The following RABEP1 variants were observed in gnomAD, a reference collection of about 807,000 sequenced individuals.
RABEP1 encodes the protein rabaptin, RAB GTPase binding effector protein 1.
RABEP1 carries 51 observed loss-of-function variants against 123.4 expected under a neutral mutation model. The ratio of observed to expected loss-of-function variants is 0.41; its 90% CI spans 0.33 to 0.52. The LOEUF (loss-of-function observed/expected upper bound fraction) is 0.52, where lower values mean the gene tolerates loss of function less well. RABEP1 is among the 20% of genes least tolerant of loss of function. The probability of loss-of-function intolerance (pLI) is 0.16; values close to 1 mark genes in which losing one functional copy is unlikely to be tolerated. For missense variants in RABEP1, 888 were observed against 996.3 expected, an observed-to-expected ratio of 0.89 and a Z score of 1.46; for synonymous variants, 347 against 355.2, an observed-to-expected ratio of 0.98 and a Z score of 0.26.
At position 5,381,380 on chromosome 17, in the gene RABEP1, AT is replaced by A; in HGVS notation, c.2371-3del. 1.2e-6 allele frequency: 2 copies of A among 1,606,556 alleles called. No homozygotes were observed. The highest frequency in any genetic ancestry group is 1.7e-6 in the Non-Finnish European group (2 of 1,177,716). On this transcript the variant is annotated splice_polypyrimidine_tract_variant and splice_region_variant and intron_variant, in intron 16 of 17. Transcript: ENST00000537505. ...GCATTAATCTTCATTCAAAACTTGT[AT>A]TTTTTAGGCTACCGTTGAACAACTA...
intron 12 of RABEP1, among the ~76,000 whole-genome samples, chr17:5,370,243 G>GT (rs1425201140): frequency 6.6e-6 from 1 of 152,148 alleles, no homozygotes; most frequent in Non-Finnish European, 1.5e-5. Flanking sequence ...GTGTGTGTAC[G>GT]TATGTCTTGG....
At chr17:5,376,055 GGTCTCGAATTCTCGACCT>G (rs1414564854) in intron 13 of RABEP1, among the ~76,000 whole-genome samples, 1 of 152,050 alleles carries the variant, frequency 6.6e-6, no homozygotes, top group Non-Finnish European at 1.5e-5. Context: ...TGGCCAGGCT[GGTCTCGAATTCTCGACCT>G]CAAGGAATCC....
intron 2 of RABEP1, among the ~76,000 whole-genome samples, chr17:5,329,154 A>C (rs2144591024): frequency 6.6e-6 from 1 of 151,606 alleles, no homozygotes; most frequent in South Asian, 2.1e-4. Context: ...ATTTTTAGAG[A>C]TGCATCTGTA....
chr17:5,308,533 C>G (rs1329910580), intron 1 of RABEP1, among the ~76,000 whole-genome samples, 161 bp from the exon 2 acceptor site: 1 of 152,006 alleles, frequency 6.6e-6, no homozygotes, highest in Admixed American at 6.6e-5. Flanking sequence ...GTCTGTCTTA[C>G]TTTTTTTAAA....
At position 5,386,236 on chromosome 17, in the gene RABEP1, G is replaced by GTA; in HGVS notation, c.*3013_*3014insTA. On this transcript the variant is annotated 3_prime_UTR_variant, in exon 18 of 18. Transcript: ENST00000537505. ...AGTTTACATGATTGCGGATATCATT[G>GTA]ATTTGCTTCACCATTTCCCTTATAT... The GTA allele has an allele frequency of 6.2e-7, 1 of 1,613,334 alleles. No individual in the cohort carries two copies. Among genetic ancestry groups the GTA allele is most frequent in the Non-Finnish European group, 8.5e-7 (1 of 1,179,696 alleles).
chr17:5,335,199 A>T lies in RABEP1; in HGVS notation c.383A>T (p.Tyr128Phe), dbSNP rs370985634. The T allele has an allele frequency of 6.2e-7, 1 of 1,611,770 alleles. No homozygotes were observed. Among genetic ancestry groups the T allele is most frequent in the East Asian group, 2.2e-5 (1 of 44,864 alleles). The stretch of plus-strand genomic sequence containing the variant: ...TGTTTTGTAGAAACAGTTCGTGACT[A>T]TGAGCACCAGTTCCACCTTAGGCTG... ...QAVMKETVRDYEHQFHLRLEQ... is the reference protein window; with the variant it reads ...QAVMKETVRDFEHQFHLRLEQ... The change falls in exon 4 of 18, where the codon TAT becomes TTT. Residue 128 changes from tyrosine to phenylalanine, a missense_variant. Coordinates refer to ENST00000537505, the MANE Select transcript of RABEP1 (RefSeq NM_004703.6).
At chr17:5,317,467 T>G (rs138391249) in intron 2 of RABEP1, among the ~76,000 whole-genome samples, 128 of 152,260 alleles carry the variant, frequency 8.4e-4, no homozygotes, top group African/African-American at 2.7e-3. Flanking sequence ...ACATCACACT[T>G]AATGTTTAAA....
intron 4 of RABEP1, 131 bp downstream of exon 4, chr17:5,335,475 T>C: frequency 1.3e-6 from 1 of 762,288 alleles, no homozygotes; most frequent in Non-Finnish European, 2.1e-6. Flanking sequence ...GACACAGACC[T>C]AAACATAGTA....
Position 5,282,375 on chromosome 17 carries a change from T to C in RABEP1, c.-112T>C. On this transcript the variant is annotated 5_prime_UTR_variant, in exon 1 of 18. Coordinates refer to ENST00000537505, the MANE Select transcript of RABEP1 (RefSeq NM_004703.6). ...GGATCCAGCCTTAGCGGTTTCTCTC[T>C]GGGCGGCGGCGGCGGCGGCTCGGTT... 2.2e-6 allele frequency: 2 copies of C among 898,164 alleles called. No homozygotes were observed. The highest frequency in any genetic ancestry group is 3.0e-6 in the Non-Finnish European group (2 of 664,286). The allele number at this position is 898,164 out of a possible 1,614,324, so 55.6% of individuals were successfully genotyped here.
At chr17:5,304,255 A>G (rs775174587) in intron 1 of RABEP1, among the ~76,000 whole-genome samples, 3 of 151,862 alleles carry the variant, frequency 2.0e-5, no homozygotes, top group African/African-American at 2.4e-5. Context: ...TGACATAGTC[A>G]TTTTTCCCTT....
At chr17:5,346,457 G>C (rs930314386) in intron 5 of RABEP1, among the ~76,000 whole-genome samples, 4 of 152,130 alleles carry the variant, frequency 2.6e-5, no homozygotes, top group Admixed American at 6.6e-5. Context: ...AACATACCTG[G>C]TGTTACTGTT....
At chr17:5,316,832 C>CAAAAAAAAAAA (rs55890740) in intron 2 of RABEP1, among the ~76,000 whole-genome samples, 5 of 67,166 alleles carry the variant, frequency 7.4e-5, no homozygotes, top group African/African-American at 1.8e-4. Context: ...GACTCTGTCT[C>CAAAAAAAAAAA]AAAAAAAAAA....
At chr17:5,341,658 G>A (rs1384657065) in intron 5 of RABEP1, among the ~76,000 whole-genome samples, 1 of 152,180 alleles carries the variant, frequency 6.6e-6, no homozygotes, top group Non-Finnish European at 1.5e-5. Context: ...AAGGTAGTAT[G>A]AGAAGAAATT....
rs1229659922 is a variant in RABEP1 at position 5,299,746 on chromosome 17, TTG to T, written c.35-8947_35-8946del. Among the ~76,000 whole-genome samples, 75 of 133,252 alleles carry T rather than the reference TTG, an allele frequency of 5.6e-4. 7 individuals carry two copies. The highest frequency in any genetic ancestry group is 1.1e-3 in the African/African-American group (39 of 34,296). 87.4% of individuals were successfully genotyped at this position (133,252 alleles called of 152,430 possible). A position where few individuals can be genotyped will look rare whatever the true frequency, so the allele number is the denominator to read the frequency against. On this transcript the variant is annotated intron_variant, in intron 1 of 17. Transcript: ENST00000537505. ...TTTTCTTTTTCTTTTTTTTTTTTTT[TTG>T]GAGGCAGAGTCTCTCCTTGTCGCCA...
At chr17:5,313,332 T>C (rs2075263647) in intron 2 of RABEP1, among the ~76,000 whole-genome samples, 3 of 152,330 alleles carry the variant, frequency 2.0e-5, no homozygotes, top group Middle Eastern at 3.4e-3. Context: ...TGCTGGCTAA[T>C]GATATCCATT....
chr17:5,329,403 C>T (rs761746685), intron 2 of RABEP1, among the ~76,000 whole-genome samples: 102 of 152,148 alleles, frequency 6.7e-4, no homozygotes, highest in Non-Finnish European at 1.0e-3. Context: ...TGGTGGCACG[C>T]GCCTGTAATC....
chr17:5,299,870 C>T (rs1298188304), intron 1 of RABEP1, among the ~76,000 whole-genome samples: 4 of 151,548 alleles, frequency 2.6e-5, no homozygotes, highest in Non-Finnish European at 5.9e-5. Context: ...GCTGGGACTA[C>T]AGGCTCCTGC....
chr17:5,310,498 T>G (rs937632016), intron 2 of RABEP1, among the ~76,000 whole-genome samples: 1 of 150,616 alleles, frequency 6.6e-6, no homozygotes, highest in Non-Finnish European at 1.5e-5. Context: ...TTTTGTATTT[T>G]TAGTAGAGAC....
chr17:5,351,812 A>G (rs1042763079), intron 7 of RABEP1, among the ~76,000 whole-genome samples: 7 of 152,142 alleles, frequency 4.6e-5, no homozygotes, highest in African/African-American at 1.7e-4. Context: ...AAAAAAAAGT[A>G]TATATATTTC....
Sources: gnomAD v4.1 joint callset for allele counts (sites outside exome capture counted in the v4.1 genomes callset) on GRCh38, gnomAD v4.1.1 for gene constraint, MANE v1.5 for transcripts, NCBI Gene and HGNC (gene_info 2026-07-23, HGNC 2026-07-21) for gene names.